Variants in AP3B1 observed in about 807,000 individuals in gnomAD.
The protein encoded by AP3B1 is AP-3 complex subunit beta-1.
Under a neutral mutation model 132.5 loss-of-function variants are expected in AP3B1, and 61 were observed. That is an observed-to-expected ratio of 0.46 (90% CI 0.37 to 0.57). The LOEUF (loss-of-function observed/expected upper bound fraction) is 0.57, where lower values mean the gene tolerates loss of function less well. AP3B1 is among the 20% of genes least tolerant of loss of function. The pLI is 0.00. For synonymous variants in AP3B1, 388 were observed against 438.3 expected, an observed-to-expected ratio of 0.89 and a Z score of 1.43; for missense variants, 1,120 against 1,289.4, an observed-to-expected ratio of 0.87 and a Z score of 2.01.
intron 3 of AP3B1, among the ~76,000 whole-genome samples, chr5:78,233,711 G>A (rs1248312190): frequency 2.6e-5 from 4 of 152,174 alleles, no homozygotes; most frequent in East Asian, 1.9e-4. Flanking sequence ...TATATTACTC[G>A]TTTAATTCTC....
At position 78,043,864 on chromosome 5, in the gene AP3B1, A is replaced by G. The variant is rs758975048; in HGVS notation, c.2578-4590T>C. 5 of 367,334 alleles carry G rather than the reference A, an allele frequency of 1.4e-5. 1 individual carries two copies. The highest frequency in any genetic ancestry group is 3.9e-4 in the Middle Eastern group (1 of 2,576). The allele number at this position is 367,334 out of a possible 1,614,324, so 22.8% of individuals were successfully genotyped here. On this transcript the variant is annotated intron_variant, in intron 22 of 26. Transcript: ENST00000255194. ...CTGACTTTGGTAGACACAGGCATTG[A>G]CATGACCAAGGCTGATCTCCTAATT...
At chr5:78,138,343 C>T (rs1752999910) in intron 15 of AP3B1, among the ~76,000 whole-genome samples, 1 of 151,948 alleles carries the variant, frequency 6.6e-6, no homozygotes, top group African/African-American at 2.4e-5. Flanking sequence ...GTGGCAGACA[C>T]CCATAATAAG....
At chr5:78,176,037 T>C (rs1246943813) in intron 9 of AP3B1, among the ~76,000 whole-genome samples, 199 bp from the exon 10 acceptor site, 1 of 152,158 alleles carries the variant, frequency 6.6e-6, no homozygotes. Context: ...AAATTAGACG[T>C]GATTCATCAT....
rs540823479 is a variant in AP3B1, at chr5:78,163,869, T to C, written c.1231-918A>G. 1.2e-3 allele frequency among the ~76,000 whole-genome samples: 184 copies of C among 151,906 alleles called. 1 individual carries two copies. The highest frequency in any genetic ancestry group is 3.5e-3 in the Middle Eastern group (1 of 284). On this transcript the variant is annotated intron_variant, in intron 12 of 26. Coordinates refer to ENST00000255194, the MANE Select transcript of AP3B1 (RefSeq NM_003664.5). The stretch of plus-strand genomic sequence containing the variant: ...TATCATATACATGAAATTTGAAAGG[T>C]CATTTACAATCGAAATTTTTAAGAA...
intron 2 of AP3B1, among the ~76,000 whole-genome samples, chr5:78,251,826 G>A (rs894657259): frequency 3.9e-5 from 6 of 152,316 alleles, no homozygotes; most frequent in Non-Finnish European, 5.9e-5. Context: ...GAGGGAGCAC[G>A]CAACATACTG....
chr5:78,134,662 T>G (rs1342250219), intron 15 of AP3B1, among the ~76,000 whole-genome samples: 2 of 152,176 alleles, frequency 1.3e-5, no homozygotes, highest in Non-Finnish European at 2.9e-5. Flanking sequence ...TGCCTCAGCC[T>G]CCCAAGTAGC....
At chr5:78,274,062 A>G (rs573359050) in intron 1 of AP3B1, among the ~76,000 whole-genome samples, 1 of 151,458 alleles carries the variant, frequency 6.6e-6, no homozygotes, top group South Asian at 2.1e-4. Flanking sequence ...CCAGGAGCAG[A>G]TCCATGAGTG....
At chr5:78,263,379 C>A (rs1748181406) in intron 2 of AP3B1, among the ~76,000 whole-genome samples, 1 of 152,086 alleles carries the variant, frequency 6.6e-6, no homozygotes, top group Non-Finnish European at 1.5e-5. Context: ...GGTAAACTTG[C>A]GTATTGGTTC....
At chr5:78,133,556 T>G (rs901609739) in intron 15 of AP3B1, among the ~76,000 whole-genome samples, 5 of 152,180 alleles carry the variant, frequency 3.3e-5, no homozygotes, top group African/African-American at 1.2e-4. Context: ...CAGGCATAAA[T>G]TAGATCTGTC....
At chr5:78,270,270 T>C (rs1020459083) in intron 1 of AP3B1, among the ~76,000 whole-genome samples, 1 of 152,136 alleles carries the variant, frequency 6.6e-6, no homozygotes, top group African/African-American at 2.4e-5. Context: ...TCCATCAATA[T>C]TGGACTGGAA....
chr5:78,053,912 G>C (rs252794), intron 22 of AP3B1, among the ~76,000 whole-genome samples: 40,677 of 152,012 alleles, frequency 0.27, 6,064 homozygotes, highest in Admixed American at 0.4. Flanking sequence ...AGTGAGGTGT[G>C]GTGGGAAACA....
chr5:78,171,488 T>A (rs1183859195), intron 11 of AP3B1, among the ~76,000 whole-genome samples: 1 of 152,210 alleles, frequency 6.6e-6, no homozygotes, highest in Non-Finnish European at 1.5e-5. Flanking sequence ...TTTTATTCTC[T>A]TCATAGCAAT....
At chr5:78,264,033 C>A (rs946030077) in intron 2 of AP3B1, among the ~76,000 whole-genome samples, 1 of 152,042 alleles carries the variant, frequency 6.6e-6, no homozygotes, top group Non-Finnish European at 1.5e-5. Context: ...TGCCATATAG[C>A]CTAAGTGTGT....
intron 20 of AP3B1, among the ~76,000 whole-genome samples, chr5:78,106,789 G>A (rs1183689022): frequency 4.6e-5 from 7 of 152,176 alleles, no homozygotes; most frequent in Non-Finnish European, 7.3e-5. Flanking sequence ...AGAGTAGTCA[G>A]AGATAATTCT....
At chr5:78,053,323 T>C (rs1483577078) in intron 22 of AP3B1, among the ~76,000 whole-genome samples, 1 of 152,192 alleles carries the variant, frequency 6.6e-6, no homozygotes, top group Non-Finnish European at 1.5e-5. Flanking sequence ...TAAATCTTTT[T>C]TTTCAAATTA....
At chr5:78,117,027 G>A (rs909336626) in intron 17 of AP3B1, among the ~76,000 whole-genome samples, 9 of 151,866 alleles carry the variant, frequency 5.9e-5, no homozygotes, top group African/African-American at 1.7e-4. Flanking sequence ...TGTCCCCGTC[G>A]CCTGCCTCTC....
At chr5:78,177,225 G>T in intron 9 of AP3B1, 114 bp downstream of exon 9, 1 of 706,884 alleles carries the variant, frequency 1.4e-6, no homozygotes, top group Non-Finnish European at 2.5e-6. Context: ...CTTACTGATC[G>T]ATTGATTAAA....
chr5:78,254,241 G>C (rs1323270513), intron 2 of AP3B1, among the ~76,000 whole-genome samples: 2 of 152,060 alleles, frequency 1.3e-5, no homozygotes, highest in Admixed American at 6.6e-5. Context: ...GCAAATTTAA[G>C]AGTTATTGTC....
At chr5:78,221,600 G>A (rs1240465334) in intron 6 of AP3B1, among the ~76,000 whole-genome samples, 1 of 151,694 alleles carries the variant, frequency 6.6e-6, no homozygotes, top group Non-Finnish European at 1.5e-5. Flanking sequence ...TTTAAAAGGG[G>A]TATTAAAGAA....
Sources: allele counts gnomAD v4.1 joint callset (sites outside exome capture counted in the v4.1 genomes callset), GRCh38; gene constraint gnomAD v4.1.1; transcripts MANE v1.5; gene names NCBI Gene and HGNC (gene_info 2026-07-23, HGNC 2026-07-21).